RAB3B: variants seen among roughly 807,000 people sequenced by gnomAD.
RAB3B encodes ras-related protein Rab-3B.
Under a neutral mutation model 20.5 loss-of-function variants are expected in RAB3B, and 11 were observed. The observed-to-expected ratio is 0.54, with a 90% confidence interval of 0.34 to 0.89. The LOEUF is 0.89. RAB3B is among the 40% of genes least tolerant of loss of function. The pLI is 0.02. For synonymous variants in RAB3B, 99 were observed against 106.3 expected (o/e 0.93, Z 0.42); for missense variants, 225 against 280.9 (o/e 0.80, Z 1.42).
At chr1:51,946,422 C>T (rs1444106220) in intron 2 of RAB3B, among the ~76,000 whole-genome samples, 1 of 152,108 alleles carries the variant, frequency 6.6e-6, no homozygotes, top group Non-Finnish European at 1.5e-5. Context: ...AATAGAATCA[C>T]AGAGGAGATG....
At chr1:51,930,025 C>T (rs544565305) in intron 4 of RAB3B, among the ~76,000 whole-genome samples, 1 of 152,238 alleles carries the variant, frequency 6.6e-6, no homozygotes, top group South Asian at 2.1e-4. Context: ...GAGAGATAAA[C>T]ATGTAAATAG....
At chr1:51,969,689 A>G (rs1333298326) in intron 2 of RAB3B, among the ~76,000 whole-genome samples, 3 of 152,188 alleles carry the variant, frequency 2.0e-5, no homozygotes, top group Non-Finnish European at 4.4e-5. Context: ...GGTGGGGAAG[A>G]AAAGGAATGC....
chr1:51,931,318 C>A (rs1414200678), intron 4 of RAB3B, among the ~76,000 whole-genome samples: 1 of 152,152 alleles, frequency 6.6e-6, no homozygotes, highest in African/African-American at 2.4e-5. Context: ...ATCATGTTCT[C>A]TGATCCCAGG....
chr1:51,945,462 G>T (rs1684551748), intron 2 of RAB3B, among the ~76,000 whole-genome samples: 1 of 152,106 alleles, frequency 6.6e-6, no homozygotes, highest in South Asian at 2.1e-4. Flanking sequence ...CATGTTACTT[G>T]CTTTATTGCA....
chr1:51,960,264 G>A (rs1684767727), intron 2 of RAB3B, among the ~76,000 whole-genome samples: 2 of 152,220 alleles, frequency 1.3e-5, no homozygotes, highest in South Asian at 4.1e-4. Context: ...TATTTCTCAT[G>A]AACAATCAGA....
At chr1:51,959,957 C>T (rs957733654) in intron 2 of RAB3B, among the ~76,000 whole-genome samples, 5 of 152,042 alleles carry the variant, frequency 3.3e-5, no homozygotes, top group Admixed American at 2.6e-4. Flanking sequence ...GTGGGTGGTG[C>T]ATGGACTGCC....
chr1:51,972,080 C>G (rs1056838641), intron 2 of RAB3B, among the ~76,000 whole-genome samples: 1 of 152,140 alleles, frequency 6.6e-6, no homozygotes, highest in African/African-American at 2.4e-5. Context: ...GCTCCAGAAG[C>G]AGAAGAATTG....
intron 2 of RAB3B, among the ~76,000 whole-genome samples, chr1:51,951,189 T>C (rs566662882): frequency 2.6e-5 from 4 of 151,720 alleles, no homozygotes; most frequent in African/African-American, 7.3e-5. Context: ...GGTAAATGTA[T>C]AGGTTTGTTA....
chr1:51,980,565 C>T, intron 1 of RAB3B: 1 of 758,622 alleles, frequency 1.3e-6, no homozygotes, highest in South Asian at 1.3e-5. Context: ...AATGTGTGCC[C>T]AAGGACAAGG....
Position 51,933,419 on chromosome 1 carries a change from G to A in RAB3B, c.371C>T (p.Ser124Phe), listed in dbSNP as rs1684354333. The change falls in exon 4 of 5, where the codon TCC becomes TTC. Residue 124 changes from serine to phenylalanine, a missense_variant. By Grantham distance (155) the Ser-to-Phe change is radical. Transcript: ENST00000371655. ...QDWATQIKTY[S>F]WDNAQVILVG... ...CAGAATAACTTGTGCATTGTCCCAG[G>A]AGTAGGTCTTGATCTGAGTAGCCCT... 1.9e-6 allele frequency: 3 copies of A among 1,612,932 alleles called. No homozygotes were observed. Among genetic ancestry groups the A allele is most frequent in the Non-Finnish European group, 2.5e-6 (3 of 1,179,112 alleles).
chr1:51,955,232 A>G (rs1684692303), intron 2 of RAB3B, among the ~76,000 whole-genome samples: 2 of 152,254 alleles, frequency 1.3e-5, no homozygotes, highest in South Asian at 2.1e-4. Flanking sequence ...TAATCCCCCA[A>G]TTACTTCTAT....
chr1:51,980,889 A>T (rs1685078534), intron 1 of RAB3B: 12 of 572,092 alleles, frequency 2.1e-5, no homozygotes, highest in Middle Eastern at 4.9e-4. Flanking sequence ...ATTGTACTTT[A>T]AAAAAAAGCC....
chr1:51,919,174 G>A lies in RAB3B; in HGVS notation c.*753C>T, dbSNP rs997582314. 6 of 150,820 alleles carry A rather than the reference G, an allele frequency of 4.0e-5. No individual in the cohort carries two copies. Among genetic ancestry groups the A allele is most frequent in the Non-Finnish European group, 7.4e-5 (5 of 67,736 alleles). The allele number at this position is 150,820 out of a possible 1,614,324, so 9.3% of individuals were successfully genotyped here. A position where few individuals can be genotyped will look rare whatever the true frequency, so the allele number is the denominator to read the frequency against. The stretch of plus-strand genomic sequence containing the variant: ...AATTTTTTGTATTTTTAGTAGAGAC[G>A]GGGTTTCACCTTGTTAGCCAGGATG... On this transcript the variant is annotated 3_prime_UTR_variant, in exon 5 of 5. Coordinates refer to ENST00000371655, the MANE Select transcript of RAB3B (RefSeq NM_002867.4).
intron 2 of RAB3B, among the ~76,000 whole-genome samples, chr1:51,966,799 G>A (rs993397227): frequency 6.6e-6 from 1 of 151,674 alleles, no homozygotes; most frequent in Admixed American, 6.6e-5. Flanking sequence ...CACATTCCTG[G>A]AGCCACAGAG....
chr1:51,989,152 T>C (rs1685189173), intron 1 of RAB3B, among the ~76,000 whole-genome samples: 1 of 114,114 alleles, frequency 8.8e-6, no homozygotes, highest in South Asian at 2.9e-4. Flanking sequence ...TTTTACTGTC[T>C]CCCACCCCTT....
At chr1:51,943,113 G>GTAATCA (rs1684516674) in intron 2 of RAB3B, among the ~76,000 whole-genome samples, 1 of 152,256 alleles carries the variant, frequency 6.6e-6, no homozygotes, top group South Asian at 2.1e-4. Flanking sequence ...GCCCAGCGTG[G>GTAATCA]TGGCTCATGC....
chr1:51,947,612 A>G (rs551589073), intron 2 of RAB3B, among the ~76,000 whole-genome samples: 15 of 152,150 alleles, frequency 9.9e-5, no homozygotes, highest in Non-Finnish European at 1.9e-4. Context: ...TAGAAAGCTT[A>G]AATGAAATCA....
At chr1:51,931,903 A>T (rs1235453017) in intron 4 of RAB3B, among the ~76,000 whole-genome samples, 1 of 152,052 alleles carries the variant, frequency 6.6e-6, no homozygotes, top group Non-Finnish European at 1.5e-5. Context: ...GGGAGCCTCC[A>T]GGGAGACTAC....
chr1:51,942,044 C>T (rs1221538773), intron 2 of RAB3B, among the ~76,000 whole-genome samples: 2 of 152,176 alleles, frequency 1.3e-5, no homozygotes, highest in Non-Finnish European at 2.9e-5. Flanking sequence ...CCTCCTATGC[C>T]CTTGCCTCTG....
Sources: gnomAD v4.1 joint callset for allele counts (sites outside exome capture counted in the v4.1 genomes callset) on GRCh38, gnomAD v4.1.1 for gene constraint, MANE v1.5 for transcripts, NCBI Gene and HGNC (gene_info 2026-07-23, HGNC 2026-07-21) for gene names.